The following NELL1 variants were observed in gnomAD, a reference collection of about 807,000 sequenced individuals.
NELL1 encodes neural EGFL like 1.
A neutral mutation model predicts 107.4 loss-of-function variants in NELL1; 76 were observed. That is an observed-to-expected ratio of 0.71 (90% CI 0.59 to 0.86). The LOEUF (loss-of-function observed/expected upper bound fraction) is 0.86, where lower values mean the gene tolerates loss of function less well. Among genes scored for constraint, NELL1 ranks in the 40% least tolerant of loss-of-function variants. The pLI is 0.00. For synonymous variants in NELL1, 353 were observed against 341.2 expected, an observed-to-expected ratio of 1.03 and a Z score of -0.38; for missense variants, 1,024 against 1,005.5, an observed-to-expected ratio of 1.02 and a Z score of -0.25.
chr11:21,163,628 A>G (rs11025952), intron 13 of NELL1, among the ~76,000 whole-genome samples: 37,808 of 152,016 alleles, frequency 0.25, 5,306 homozygotes, highest in East Asian at 0.49. Context: ...TGGGTGACTT[A>G]ACACAAATTT....
At chr11:21,416,477 G>T (rs558500114) in intron 15 of NELL1, among the ~76,000 whole-genome samples, 6 of 152,210 alleles carry the variant, frequency 3.9e-5, no homozygotes, top group Admixed American at 6.6e-5. Flanking sequence ...TGAGGAGAAA[G>T]AAATGGGGAA....
chr11:21,146,816 G>A (rs796892726), intron 13 of NELL1, among the ~76,000 whole-genome samples: 1 of 151,950 alleles, frequency 6.6e-6, no homozygotes, highest in Non-Finnish European at 1.5e-5. Flanking sequence ...GCCAAGGTGG[G>A]GGGGATCATC....
chr11:21,483,811 T>A (rs1468393744), intron 15 of NELL1, among the ~76,000 whole-genome samples: 1 of 149,206 alleles, frequency 6.7e-6, no homozygotes, highest in African/African-American at 2.5e-5. Context: ...ATTGTGTGGT[T>A]ATTATACCCA....
chr11:21,084,992 A>G (rs1352240840), intron 12 of NELL1, among the ~76,000 whole-genome samples: 1 of 152,176 alleles, frequency 6.6e-6, no homozygotes, highest in Non-Finnish European at 1.5e-5. Context: ...TCAGTTATAC[A>G]ATGGGGGTAA....
chr11:21,256,866 G>A (rs996261822), intron 14 of NELL1, among the ~76,000 whole-genome samples: 1 of 152,012 alleles, frequency 6.6e-6, no homozygotes, highest in Non-Finnish European at 1.5e-5. Flanking sequence ...GGGCAAGTGA[G>A]ACAGGAAAGG....
chr11:21,048,885 G>A (rs1853420940), intron 12 of NELL1, among the ~76,000 whole-genome samples: 1 of 152,162 alleles, frequency 6.6e-6, no homozygotes, highest in African/African-American at 2.4e-5. Flanking sequence ...GCTGCTGAGA[G>A]TCTCTAAGAT....
rs2134204825 is a variant in NELL1 at position 20,952,686 on chromosome 11, T to C, written c.1171+5251T>C. The stretch of plus-strand genomic sequence containing the variant: ...AAAGACAGGGCTATATGCTCAACTG[T>C]TGGGGCTGGGAACAGAGGATAGTCT... On this transcript the variant is annotated intron_variant, in intron 11 of 19. Coordinates refer to ENST00000357134, the MANE Select transcript of NELL1 (RefSeq NM_006157.5). 5.9e-5 allele frequency among the ~76,000 whole-genome samples: 9 copies of C among 152,258 alleles called. No individual in the cohort carries two copies. The South Asian group carries it at 1.9e-3, about 32-fold the overall frequency.
chr11:20,951,735 A>G (rs1851072505), intron 11 of NELL1, among the ~76,000 whole-genome samples: 2 of 152,146 alleles, frequency 1.3e-5, no homozygotes, highest in African/African-American at 4.8e-5. Context: ...GGGAGAGGCC[A>G]CTTTGTAGTT....
intron 12 of NELL1, among the ~76,000 whole-genome samples, chr11:21,094,506 T>A (rs1041219734): frequency 2.6e-5 from 4 of 152,350 alleles, no homozygotes; most frequent in Middle Eastern, 3.4e-3. Context: ...AGCCCCATAT[T>A]TCCCTTCCAC....
intron 16 of NELL1, among the ~76,000 whole-genome samples, chr11:21,554,258 T>C (rs985665460): frequency 4.6e-5 from 7 of 151,896 alleles, no homozygotes; most frequent in Admixed American, 2.6e-4. Context: ...CACCTAAATT[T>C]GTACATCCTA....
In NELL1 at chr11:21,529,155, A is replaced by T. The variant is rs77266273; in HGVS notation, c.1646-5219A>T. Among the ~76,000 whole-genome samples the T allele has an allele frequency of 1.2e-3, 184 of 152,294 alleles. 1 individual carries two copies. Among genetic ancestry groups the T allele is most frequent in the African/African-American group, 4.4e-3 (182 of 41,572 alleles). The stretch of plus-strand genomic sequence containing the variant: ...AGGGCCCTGGTCTACATAGCCTTGC[A>T]GGAAGCCAGGCAGAAAAATGTTGTA... On this transcript the variant is annotated intron_variant, in intron 15 of 19. Transcript: ENST00000357134.
chr11:21,552,414 C>T (rs1408382380), intron 16 of NELL1, among the ~76,000 whole-genome samples: 1 of 151,620 alleles, frequency 6.6e-6, no homozygotes, highest in Non-Finnish European at 1.5e-5. Flanking sequence ...TGGATAGGAT[C>T]TTTGTTAGTG....
intron 14 of NELL1, among the ~76,000 whole-genome samples, chr11:21,254,730 G>A (rs536656696): frequency 6.6e-6 from 1 of 152,078 alleles, no homozygotes; most frequent in Non-Finnish European, 1.5e-5. Context: ...AACTGATCTA[G>A]TTGGTGAGCT....
At chr11:21,530,579 TATA>T (rs1855968479) in intron 15 of NELL1, among the ~76,000 whole-genome samples, 1 of 152,060 alleles carries the variant, frequency 6.6e-6, no homozygotes, top group Admixed American at 6.6e-5. Flanking sequence ...TAGAAATTGT[TATA>T]ATTATTATAA....
intron 12 of NELL1, among the ~76,000 whole-genome samples, chr11:21,096,156 C>T (rs1854637948): frequency 6.6e-6 from 1 of 152,152 alleles, no homozygotes. Flanking sequence ...ATCACCAGGC[C>T]TTTTTATGAC....
chr11:20,937,750 C>A (rs1050593950), intron 9 of NELL1, 36 bp from the exon 10 acceptor site: 2 of 1,528,688 alleles, frequency 1.3e-6, no homozygotes, highest in Non-Finnish European at 1.8e-6. Flanking sequence ...TGTGGCACAG[C>A]AGGACTGTCT....
At chr11:21,367,225 A>G (rs1163739677) in intron 14 of NELL1, among the ~76,000 whole-genome samples, 1 of 151,286 alleles carries the variant, frequency 6.6e-6, no homozygotes, top group Non-Finnish European at 1.5e-5. Context: ...GTTAATAACA[A>G]ATGGCACTAT....
intron 13 of NELL1, among the ~76,000 whole-genome samples, chr11:21,155,872 T>G (rs950010386): frequency 2.0e-5 from 3 of 152,096 alleles, no homozygotes; most frequent in Non-Finnish European, 4.4e-5. Flanking sequence ...GAGAATACCT[T>G]TAGGTGAAGA....
At chr11:21,302,201 G>A (rs1849506414) in intron 14 of NELL1, among the ~76,000 whole-genome samples, 1 of 152,034 alleles carries the variant, frequency 6.6e-6, no homozygotes, top group Non-Finnish European at 1.5e-5. Context: ...GTTGTTGACT[G>A]GAATTATATG....
Sources: allele counts gnomAD v4.1 joint callset (sites outside exome capture counted in the v4.1 genomes callset), GRCh38; gene constraint gnomAD v4.1.1; transcripts MANE v1.5; gene names NCBI Gene and HGNC (gene_info 2026-07-23, HGNC 2026-07-21).